PRKN: variants seen among roughly 807,000 people sequenced by gnomAD.
PRKN encodes the protein parkin RBR E3 ubiquitin protein ligase, also known as E3 ubiquitin-protein ligase parkin.
In PRKN, 56 loss-of-function variants were observed where a neutral mutation model predicts 59.5. That is an observed-to-expected ratio of 0.94 (90% CI 0.76 to 1.18). The LOEUF (loss-of-function observed/expected upper bound fraction) is 1.18, where lower values mean the gene tolerates loss of function less well. PRKN is among the 50% of genes most tolerant of loss of function. The probability of loss-of-function intolerance (pLI) is 0.00; values close to 1 mark genes in which losing one functional copy is unlikely to be tolerated. For missense variants in PRKN, 657 were observed against 596.4 expected (o/e 1.10, Z -1.06); for synonymous variants, 250 against 222.1 (o/e 1.13, Z -1.12).
chr6:161,789,824 T>C (rs985146927), intron 6 of PRKN, among the ~76,000 whole-genome samples: 7 of 152,198 alleles, frequency 4.6e-5, no homozygotes, highest in East Asian at 3.9e-4. Context: ...TCAAGAGTTA[T>C]TGATTATTCT....
intron 7 of PRKN, among the ~76,000 whole-genome samples, chr6:161,667,105 A>G (rs1784753703): frequency 6.6e-6 from 1 of 152,234 alleles, no homozygotes; most frequent in Non-Finnish European, 1.5e-5. Context: ...AGCCCTGCAG[A>G]AACACTAGTC....
chr6:162,304,546 T>TCATCTATCTATCTATCTA lies in PRKN; in HGVS notation c.172-41782_172-41781insTAGATAGATAGATAGATG, dbSNP rs1562655174. On this transcript the variant is annotated intron_variant, in intron 2 of 11. Transcript: ENST00000366898. The stretch of plus-strand genomic sequence containing the variant: ...ATCTATCTATCTATCTATCTATCTA[T>TCATCTATCTATCTATCTA]TTATCCATCTGTCCATTTATCTATC... Among the ~76,000 whole-genome samples the TCATCTATCTATCTATCTA allele has an allele frequency of 4.4e-4, 51 of 116,304 alleles. 3 individuals carry two copies. The highest frequency in any genetic ancestry group is 3.9e-3 in the East Asian group (16 of 4,152). 76.3% of individuals were successfully genotyped at this position (116,304 alleles called of 152,430 possible).
intron 8 of PRKN, among the ~76,000 whole-genome samples, chr6:161,558,335 G>A (rs1780320354): frequency 6.6e-6 from 1 of 152,098 alleles, no homozygotes; most frequent in Non-Finnish European, 1.5e-5. Context: ...GCTGACGTGG[G>A]AGGATCGTTT....
chr6:162,316,271 C>T (rs761051324), intron 2 of PRKN, among the ~76,000 whole-genome samples: 23 of 151,328 alleles, frequency 1.5e-4, no homozygotes, highest in Non-Finnish European at 2.4e-4. Context: ...ATTCCACAGC[C>T]GGATGTGATA....
At position 161,973,348 on chromosome 6, in the gene PRKN, C is replaced by T. The variant is rs1554256339; in HGVS notation, c.688G>A (p.Ala230Thr). ...KETSVALHLI[A>T]TNSRNITCIT... ...CAAGTGATGTTCCGACTATTTGTTG[C>T]GATCAGGTGCAAAGCTACTGATGTT... The change falls in exon 6 of 12, where the codon GCA becomes ACA. Residue 230 changes from alanine (A) to threonine (T), a missense_variant. Coordinates refer to ENST00000366898, the MANE Select transcript of PRKN (RefSeq NM_004562.3). 6.8e-6 allele frequency: 11 copies of T among 1,613,696 alleles called. No individual in the cohort carries two copies. Among genetic ancestry groups the T allele is most frequent in the Non-Finnish European group, 9.3e-6 (11 of 1,179,744 alleles).
chr6:162,270,133 A>G (rs952598263), intron 2 of PRKN: 1 of 152,348 alleles, frequency 6.6e-6, no homozygotes, highest in East Asian at 1.9e-4. Context: ...ATGTCCACCA[A>G]TCAATGAGTG....
chr6:162,579,240 T>C (rs1780685393), intron 1 of PRKN, among the ~76,000 whole-genome samples: 1 of 152,188 alleles, frequency 6.6e-6, no homozygotes, highest in South Asian at 2.1e-4. Context: ...AACATGCTGA[T>C]TCCTCTACTT....
At chr6:161,937,776 T>C (rs1325798517) in intron 6 of PRKN, among the ~76,000 whole-genome samples, 1 of 152,234 alleles carries the variant, frequency 6.6e-6, no homozygotes. Context: ...GTTTGCATGA[T>C]GTTGTTGTAA....
At chr6:162,577,651 C>G (rs1420895955) in intron 1 of PRKN, among the ~76,000 whole-genome samples, 2 of 151,638 alleles carry the variant, frequency 1.3e-5, no homozygotes, top group Non-Finnish European at 2.9e-5. Context: ...CAAAAATGGG[C>G]CAGGCACAGT....
chr6:161,838,658 C>A (rs887579491), intron 6 of PRKN, among the ~76,000 whole-genome samples: 3 of 152,020 alleles, frequency 2.0e-5, no homozygotes, highest in South Asian at 4.1e-4. Context: ...TCACCTCCCA[C>A]ACTAGCAGCG....
At chr6:162,016,881 A>C (rs1436599137) in intron 5 of PRKN, among the ~76,000 whole-genome samples, 1 of 152,056 alleles carries the variant, frequency 6.6e-6, no homozygotes, top group Non-Finnish European at 1.5e-5. Flanking sequence ...CAGTAACAAG[A>C]GGGGATGGGC....
chr6:162,539,203 G>C (rs548158243), intron 1 of PRKN, among the ~76,000 whole-genome samples: 1 of 151,780 alleles, frequency 6.6e-6, no homozygotes, highest in Non-Finnish European at 1.5e-5. Flanking sequence ...TTTAATTAAC[G>C]AGAATGAATG....
chr6:162,228,379 C>T (rs916972544), intron 3 of PRKN, among the ~76,000 whole-genome samples: 30 of 152,146 alleles, frequency 2.0e-4, no homozygotes, highest in Non-Finnish European at 3.8e-4. Context: ...AGTTGGTCAA[C>T]CACACGTACA....
intron 3 of PRKN, among the ~76,000 whole-genome samples, chr6:162,203,941 A>C (rs767063003): frequency 6.6e-6 from 1 of 152,132 alleles, no homozygotes; most frequent in Non-Finnish European, 1.5e-5. Flanking sequence ...CACATCCTTC[A>C]TTGTAATTCA....
At chr6:162,428,912 T>G (rs1020125409) in intron 2 of PRKN, among the ~76,000 whole-genome samples, 5 of 152,174 alleles carry the variant, frequency 3.3e-5, no homozygotes, top group Non-Finnish European at 7.4e-5. Context: ...TCTGCAGATA[T>G]TCCCAGGGCT....
At chr6:161,567,067 G>C (rs941465) in intron 8 of PRKN, among the ~76,000 whole-genome samples, 81,334 of 139,426 alleles carry the variant, frequency 0.58, 24,196 homozygotes, top group East Asian at 0.71. Flanking sequence ...GTGAGAGAGG[G>C]TCACTCTGTA....
At chr6:161,482,908 A>C (rs1460693105) in intron 9 of PRKN, among the ~76,000 whole-genome samples, 1 of 152,246 alleles carries the variant, frequency 6.6e-6, no homozygotes, top group Non-Finnish European at 1.5e-5. Flanking sequence ...ATTTTAGCTT[A>C]GACTTTAGTA....
intron 3 of PRKN, among the ~76,000 whole-genome samples, chr6:162,257,002 C>A (rs1779663899): frequency 6.6e-6 from 1 of 152,176 alleles, no homozygotes; most frequent in East Asian, 1.9e-4. Flanking sequence ...AAAACAATTC[C>A]CACAGAGGCA....
At chr6:161,666,258 C>T (rs991502499) in intron 7 of PRKN, among the ~76,000 whole-genome samples, 22 of 152,128 alleles carry the variant, frequency 1.4e-4, no homozygotes, top group Non-Finnish European at 2.2e-4. Context: ...AGTGGGTGAG[C>T]GAGAATTATC....
Sources: gnomAD v4.1 joint callset for allele counts (sites outside exome capture counted in the v4.1 genomes callset) on GRCh38, gnomAD v4.1.1 for gene constraint, MANE v1.5 for transcripts, NCBI Gene and HGNC (gene_info 2026-07-23, HGNC 2026-07-21) for gene names.